NEGR1: variants seen among roughly 807,000 people sequenced by gnomAD.
NEGR1 encodes neuronal growth regulator 1.
NEGR1 carries 10 observed loss-of-function variants against 40.9 expected under a neutral mutation model. The observed-to-expected ratio is 0.24, with a 90% CI of 0.15 to 0.42. NEGR1 has a LOEUF of 0.42. NEGR1 is among the 10% of genes least tolerant of loss of function. The pLI is 1.00. For synonymous variants in NEGR1, 185 were observed against 166.8 expected, an observed-to-expected ratio of 1.11 and a Z score of -0.84; for missense variants, 352 against 438.9, an observed-to-expected ratio of 0.80 and a Z score of 1.77.
intron 1 of NEGR1, among the ~76,000 whole-genome samples, chr1:72,152,843 G>A (rs974324845): frequency 1.3e-5 from 2 of 151,912 alleles, no homozygotes; most frequent in Non-Finnish European, 2.9e-5. Context: ...AAACATGGAT[G>A]CAGTCAGGGG....
At position 72,215,578 on chromosome 1, in the gene NEGR1, A is replaced by C. The variant is rs556684646; in HGVS notation, c.176+66741T>G. On this transcript the variant is annotated intron_variant, in intron 1 of 6. Transcript: ENST00000357731. Reference sequence around the variant, plus strand: ...ATATGAATAGACACTTCTCAAAAGAAGATATTTATGTGGCCAACAAATGTG... The same window carrying C: ...ATATGAATAGACACTTCTCAAAAGACGATATTTATGTGGCCAACAAATGTG... 9.8e-5 allele frequency among the ~76,000 whole-genome samples: 15 copies of C among 152,318 alleles called. No individual in the cohort carries two copies. In the South Asian group the frequency reaches 3.1e-3, roughly 32 times the overall value.
At chr1:72,176,092 G>A (rs943250428) in intron 1 of NEGR1, among the ~76,000 whole-genome samples, 7 of 151,968 alleles carry the variant, frequency 4.6e-5, no homozygotes, top group African/African-American at 1.4e-4. Flanking sequence ...GAATTATAAA[G>A]TTTTTTTGGA....
intron 2 of NEGR1, among the ~76,000 whole-genome samples, chr1:71,824,693 T>C (rs1658554951): frequency 6.6e-6 from 1 of 151,938 alleles, no homozygotes; most frequent in South Asian, 2.1e-4. Flanking sequence ...TCTCCACACA[T>C]AGAAGAAGCA....
At chr1:71,571,287 A>C (rs1418517024) in intron 6 of NEGR1, among the ~76,000 whole-genome samples, 1 of 152,214 alleles carries the variant, frequency 6.6e-6, no homozygotes, top group Non-Finnish European at 1.5e-5. Flanking sequence ...CAGGAAAGGC[A>C]CCATCACATT....
intron 3 of NEGR1, among the ~76,000 whole-genome samples, chr1:71,748,808 C>A (rs1655471489): frequency 6.6e-6 from 1 of 151,950 alleles, no homozygotes; most frequent in Non-Finnish European, 1.5e-5. Context: ...TTCTGAAGCT[C>A]TAATGCATAG....
chr1:71,697,881 A>G (rs1469051987), intron 4 of NEGR1, 127 bp downstream of exon 4: 14 of 790,078 alleles, frequency 1.8e-5, no homozygotes, highest in Non-Finnish European at 2.4e-5. Context: ...ACACGTCTTC[A>G]GTGTTAGTAG....
chr1:72,234,924 C>T (rs1234911678), intron 1 of NEGR1, among the ~76,000 whole-genome samples: 1 of 151,942 alleles, frequency 6.6e-6, no homozygotes, highest in Non-Finnish European at 1.5e-5. Flanking sequence ...GGGTATATAC[C>T]CAAAGGAATA....
At chr1:71,720,191 T>C (rs532231837) in intron 3 of NEGR1, among the ~76,000 whole-genome samples, 1 of 152,342 alleles carries the variant, frequency 6.6e-6, no homozygotes, top group Non-Finnish European at 1.5e-5. Flanking sequence ...CACTTTCCAT[T>C]GAACAATGTT....
chr1:71,639,236 C>T (rs1223546651), intron 4 of NEGR1, among the ~76,000 whole-genome samples: 5 of 145,222 alleles, frequency 3.4e-5, no homozygotes, highest in Non-Finnish European at 3.0e-5. Context: ...GGACACAAAA[C>T]AAGTTCCCCA....
At chr1:72,162,699 C>A (rs1475167555) in intron 1 of NEGR1, among the ~76,000 whole-genome samples, 1 of 152,074 alleles carries the variant, frequency 6.6e-6, no homozygotes, top group Non-Finnish European at 1.5e-5. Flanking sequence ...AGCCCCCAAA[C>A]CTCCAGAAAT....
chr1:71,564,044 G>T (rs773721501), intron 6 of NEGR1, among the ~76,000 whole-genome samples: 1 of 151,936 alleles, frequency 6.6e-6, no homozygotes, highest in Non-Finnish European at 1.5e-5. Context: ...AAGGCCAAAG[G>T]TATTCTACAT....
At chr1:72,090,354 T>G (rs1271203333) in intron 1 of NEGR1, among the ~76,000 whole-genome samples, 1 of 143,450 alleles carries the variant, frequency 7.0e-6, no homozygotes, top group African/African-American at 2.7e-5. Context: ...ATAAAATAAT[T>G]CTTTTTTTCT....
In NEGR1 at chr1:71,399,231, A is replaced by G. The variant is rs746248059; in HGVS notation, c.*8215T>C. 6.6e-6 allele frequency: 1 copy of G among 152,160 alleles called. No homozygotes were observed. The highest frequency in any genetic ancestry group is 1.5e-5 in the Non-Finnish European group (1 of 68,036). 9.4% of individuals were successfully genotyped at this position (152,160 alleles called of 1,614,324 possible). On this transcript the variant is annotated 3_prime_UTR_variant, in exon 7 of 7. Coordinates refer to ENST00000357731, the MANE Select transcript of NEGR1 (RefSeq NM_173808.3). Reference sequence around the variant, plus strand: ...AACACACATACTAGTTTATCTATAAATTAGAAATATATATGTTTCCAGAAA... The same window carrying G: ...AACACACATACTAGTTTATCTATAAGTTAGAAATATATATGTTTCCAGAAA...
intron 1 of NEGR1, among the ~76,000 whole-genome samples, chr1:72,016,801 A>C (rs1210751911): frequency 1.3e-5 from 2 of 152,166 alleles, no homozygotes; most frequent in Non-Finnish European, 2.9e-5. Flanking sequence ...TGCCCCAGAC[A>C]GTTTGGCCTT....
chr1:72,075,578 C>T (rs1278961873), intron 1 of NEGR1, among the ~76,000 whole-genome samples: 1 of 152,138 alleles, frequency 6.6e-6, no homozygotes, highest in Non-Finnish European at 1.5e-5. Context: ...ATCTGCATAT[C>T]CTAATTTTCA....
At chr1:71,809,730 ATGTG>A (rs555558779) in intron 2 of NEGR1, among the ~76,000 whole-genome samples, 4 of 151,946 alleles carry the variant, frequency 2.6e-5, no homozygotes, top group South Asian at 4.2e-4. Flanking sequence ...AACATGTCCA[ATGTG>A]TGTGTGTGTA....
intron 6 of NEGR1, among the ~76,000 whole-genome samples, chr1:71,456,730 T>C (rs1646675606): frequency 6.6e-6 from 1 of 152,188 alleles, no homozygotes; most frequent in Non-Finnish European, 1.5e-5. Context: ...CAGACATAAA[T>C]CAGTACAATT....
chr1:71,927,885 T>C (rs1645791454), intron 2 of NEGR1, among the ~76,000 whole-genome samples: 1 of 133,776 alleles, frequency 7.5e-6, no homozygotes, highest in Non-Finnish European at 1.5e-5. Context: ...GTAGTCCCAG[T>C]TACATGAGAG....
intron 1 of NEGR1, among the ~76,000 whole-genome samples, chr1:71,969,328 T>G (rs1646237151): frequency 1.3e-5 from 2 of 152,220 alleles, no homozygotes; most frequent in South Asian, 4.1e-4. Context: ...CCCCTACATC[T>G]AATATTGTAG....
Sources: gnomAD v4.1 joint callset for allele counts (sites outside exome capture counted in the v4.1 genomes callset) on GRCh38, gnomAD v4.1.1 for gene constraint, MANE v1.5 for transcripts, NCBI Gene and HGNC (gene_info 2026-07-23, HGNC 2026-07-21) for gene names.